Variants in RAP1GDS1 observed in about 807,000 individuals in gnomAD.
RAP1GDS1 encodes RAP1, GTP-GDP dissociation stimulator 1.
A neutral mutation model predicts 71.1 loss-of-function variants in RAP1GDS1; 35 were observed. The ratio of observed to expected loss-of-function variants is 0.49; its 90% CI spans 0.38 to 0.65. The LOEUF (loss-of-function observed/expected upper bound fraction) is 0.65, where lower values mean the gene tolerates loss of function less well. Among genes scored for constraint, RAP1GDS1 ranks in the 30% least tolerant of loss-of-function variants. The pLI is 0.00. For synonymous variants in RAP1GDS1, 229 were observed against 243.1 expected, an observed-to-expected ratio of 0.94 and a Z score of 0.54; for missense variants, 663 against 706.1, an observed-to-expected ratio of 0.94 and a Z score of 0.69.
At chr4:98,278,151 A>G (rs1724508994) in intron 1 of RAP1GDS1, among the ~76,000 whole-genome samples, 1 of 152,168 alleles carries the variant, frequency 6.6e-6, no homozygotes, top group African/African-American at 2.4e-5. Flanking sequence ...GTGAGCCAAG[A>G]TAGAGCCACC....
At chr4:98,428,650 C>T (rs1226600188) in intron 12 of RAP1GDS1, among the ~76,000 whole-genome samples, 1 of 152,112 alleles carries the variant, frequency 6.6e-6, no homozygotes, top group Non-Finnish European at 1.5e-5. Context: ...GCCATAACAC[C>T]TTACCCATGC....
At chr4:98,397,619 C>T (rs1388057391) in intron 6 of RAP1GDS1, among the ~76,000 whole-genome samples, 1 of 152,138 alleles carries the variant, frequency 6.6e-6, no homozygotes, top group African/African-American at 2.4e-5. Flanking sequence ...ACATCTGAAT[C>T]CTGGATAAGA....
chr4:98,283,332 G>A (rs1484430132), intron 1 of RAP1GDS1, among the ~76,000 whole-genome samples: 1 of 152,142 alleles, frequency 6.6e-6, no homozygotes. Context: ...ATGCATTTCT[G>A]GGGATGGTGA....
chr4:98,402,467 C>G (rs926776885), intron 6 of RAP1GDS1, among the ~76,000 whole-genome samples: 6 of 152,084 alleles, frequency 3.9e-5, no homozygotes, highest in African/African-American at 1.2e-4. Flanking sequence ...AAAAGACACC[C>G]TACCCTTACT....
At chr4:98,372,141 T>G (rs1344301875) in intron 4 of RAP1GDS1, among the ~76,000 whole-genome samples, 1 of 152,054 alleles carries the variant, frequency 6.6e-6, no homozygotes, top group African/African-American at 2.4e-5. Context: ...CACATTTAGC[T>G]CCATTACTGG....
intron 6 of RAP1GDS1, among the ~76,000 whole-genome samples, chr4:98,400,124 TC>T (rs1745157951): frequency 6.6e-6 from 1 of 151,918 alleles, no homozygotes; most frequent in Admixed American, 6.6e-5. Flanking sequence ...ACCACTGCAC[TC>T]CAGCTTGGGT....
intron 4 of RAP1GDS1, among the ~76,000 whole-genome samples, chr4:98,353,305 C>T (rs1205179089): frequency 1.3e-5 from 2 of 152,130 alleles, no homozygotes; most frequent in Non-Finnish European, 2.9e-5. Flanking sequence ...AGCCAAAACA[C>T]GTATTTTATC....
At chr4:98,331,294 G>A (rs984542625) in intron 2 of RAP1GDS1, among the ~76,000 whole-genome samples, 2 of 150,960 alleles carry the variant, frequency 1.3e-5, no homozygotes, top group African/African-American at 2.4e-5. Flanking sequence ...AGCGGGAGAC[G>A]GAGACGAAGG....
At chr4:98,419,717 A>T (rs1748533160) in intron 10 of RAP1GDS1, among the ~76,000 whole-genome samples, 1 of 152,306 alleles carries the variant, frequency 6.6e-6, no homozygotes, top group African/African-American at 2.4e-5. Context: ...GTAAGAGGGT[A>T]ACATTTTCAG....
chr4:98,347,170 T>C (rs1736416270), intron 3 of RAP1GDS1, among the ~76,000 whole-genome samples: 1 of 152,166 alleles, frequency 6.6e-6, no homozygotes, highest in African/African-American at 2.4e-5. Context: ...AGAAAGTAGA[T>C]GTTAGGTTTT....
intron 7 of RAP1GDS1, among the ~76,000 whole-genome samples, chr4:98,414,669 T>G (rs1350253372): frequency 6.6e-6 from 1 of 150,908 alleles, no homozygotes; most frequent in African/African-American, 2.5e-5. Context: ...AGCTTTGTTC[T>G]TTTGGCTTAG....
At position 98,418,668 on chromosome 4, in the gene RAP1GDS1, A is replaced by G; in HGVS notation, c.1051A>G (p.Ile351Val). The part of the protein sequence containing the change: ...ANFARNDANC[I>V]HMVDNGIVEK... ...GTTTTTTTTTTCAGATGCAAATTGTATTCATATGGTAGACAATGGGATTGT... is the reference window on the plus strand; with the variant it reads ...GTTTTTTTTTTCAGATGCAAATTGTGTTCATATGGTAGACAATGGGATTGT... The change falls in exon 10 of 15, where the codon ATT becomes GTT. Residue 351 changes from isoleucine to valine, a missense_variant. Coordinates refer to ENST00000408927, the MANE Select transcript of RAP1GDS1 (RefSeq NM_001100427.2). The G allele has an allele frequency of 6.3e-7, 1 of 1,590,150 alleles. No homozygotes were observed.
At chr4:98,326,212 C>A (rs1733057022) in intron 2 of RAP1GDS1, among the ~76,000 whole-genome samples, 1 of 151,998 alleles carries the variant, frequency 6.6e-6, no homozygotes, top group Admixed American at 6.6e-5. Flanking sequence ...ATTGAATTTC[C>A]TCAAAATATT....
chr4:98,306,815 A>G (rs1042407448), intron 2 of RAP1GDS1, among the ~76,000 whole-genome samples: 1 of 152,152 alleles, frequency 6.6e-6, no homozygotes. Context: ...TGAAAGTCCA[A>G]GTGGGTTCTA....
chr4:98,406,037 G>A (rs1288781683), intron 7 of RAP1GDS1, among the ~76,000 whole-genome samples: 3 of 151,970 alleles, frequency 2.0e-5, no homozygotes, highest in Admixed American at 1.3e-4. Context: ...AACTTTTAAG[G>A]TGACTACTAA....
rs1746236192 is a variant in RAP1GDS1 at position 98,407,116 on chromosome 4, TCAACCCTCACCTTC to T, written c.763+2518_763+2531del. Reference sequence around the variant, plus strand: ...ACCCAAAAAACCACAAGGTAATTTTTCAACCCTCACCTTCCAATTTGTGTGAATATGCTCATAGT... The same window carrying T: ...ACCCAAAAAACCACAAGGTAATTTTTCAATTTGTGTGAATATGCTCATAGT... On this transcript the variant is annotated intron_variant, in intron 7 of 14. Coordinates refer to ENST00000408927, the MANE Select transcript of RAP1GDS1 (RefSeq NM_001100427.2). Among the ~76,000 whole-genome samples, 2 of 152,128 alleles carry T rather than the reference TCAACCCTCACCTTC, an allele frequency of 1.3e-5. 1 individual carries two copies. Among genetic ancestry groups the T allele is most frequent in the South Asian group, 4.1e-4 (2 of 4,828 alleles).
At chr4:98,268,513 G>A (rs578103641) in intron 1 of RAP1GDS1, among the ~76,000 whole-genome samples, 12 of 152,078 alleles carry the variant, frequency 7.9e-5, no homozygotes, top group Middle Eastern at 3.4e-3. Flanking sequence ...AAATTGGAGA[G>A]TAAAATGATC....
chr4:98,329,914 T>G (rs1294132812), intron 2 of RAP1GDS1, among the ~76,000 whole-genome samples: 1 of 152,178 alleles, frequency 6.6e-6, no homozygotes, highest in African/African-American at 2.4e-5. Context: ...TTTCCTTATA[T>G]TCTCCTCTTT....
At chr4:98,379,389 AAAAC>A in intron 5 of RAP1GDS1, 1 of 413,050 alleles carries the variant, frequency 2.4e-6, no homozygotes, top group Non-Finnish European at 4.2e-6. Context: ...ATCAGTATCA[AAAAC>A]AAAAACTCCA....
Sources: allele counts gnomAD v4.1 joint callset (sites outside exome capture counted in the v4.1 genomes callset), GRCh38; gene constraint gnomAD v4.1.1; transcripts MANE v1.5; gene names NCBI Gene and HGNC (gene_info 2026-07-23, HGNC 2026-07-21).